KDM3B: variants seen among roughly 807,000 people sequenced by gnomAD.
KDM3B encodes the protein lysine-specific demethylase 3B.
A neutral mutation model predicts 170.0 loss-of-function variants in KDM3B; 10 were observed. The observed-to-expected ratio is 0.06, with a 90% confidence interval of 0.04 to 0.10. KDM3B has a LOEUF of 0.10. KDM3B is among the 10% of genes least tolerant of loss of function. The probability of loss-of-function intolerance (pLI) is 1.00; values close to 1 mark genes in which losing one functional copy is unlikely to be tolerated. For missense variants in KDM3B, 1,394 were observed against 2,195.2 expected (o/e 0.64, Z 7.29); for synonymous variants, 831 against 834.8 (o/e 1.00, Z 0.08).
intron 6 of KDM3B, among the ~76,000 whole-genome samples, chr5:138,382,686 G>T (rs1352434058): frequency 2.7e-5 from 4 of 148,280 alleles, no homozygotes; most frequent in Non-Finnish European, 3.0e-5. Flanking sequence ...TTTTTTTTTT[G>T]AGGCAGGGTC....
intron 11 of KDM3B, 122 bp downstream of exon 11, chr5:138,400,134 CA>C: frequency 1.1e-6 from 1 of 927,728 alleles, no homozygotes; most frequent in Non-Finnish European, 1.6e-6. Flanking sequence ...TGGCTTCATT[CA>C]ACTTTGTTGT....
At chr5:138,361,162 G>A (rs1761598949) in intron 1 of KDM3B, among the ~76,000 whole-genome samples, 2 of 152,138 alleles carry the variant, frequency 1.3e-5, no homozygotes, top group South Asian at 2.1e-4. Context: ...ATGCTTCTCA[G>A]TTTTCCACTG....
At chr5:138,430,787 G>A (rs1763511924) in intron 22 of KDM3B, among the ~76,000 whole-genome samples, 1 of 152,148 alleles carries the variant, frequency 6.6e-6, no homozygotes, top group Non-Finnish European at 1.5e-5. Flanking sequence ...CTACTCAGGA[G>A]GCTGAGGCAG....
In KDM3B at chr5:138,429,753, AT is replaced by A. The variant is rs775905704; in HGVS notation, c.4754-71del. On this transcript the variant is annotated intron_variant, in intron 20 of 23. Coordinates refer to ENST00000314358, the MANE Select transcript of KDM3B (RefSeq NM_016604.4). ...GAAGAGTAAAACTCAATTTATTTAAATTGGACATTTCATTTCACTCAGTGGT... is the reference window on the plus strand; with the variant it reads ...GAAGAGTAAAACTCAATTTATTTAAATGGACATTTCATTTCACTCAGTGGT... 96 of 1,515,558 alleles carry A rather than the reference AT, an allele frequency of 6.3e-5. 1 individual carries two copies. The East Asian group carries it at 2.2e-3, about 34-fold the overall frequency. The allele number at this position is 1,515,558 out of a possible 1,614,324, so 93.9% of individuals were successfully genotyped here. A position where few individuals can be genotyped will look rare whatever the true frequency, so the allele number is the denominator to read the frequency against.
intron 6 of KDM3B, among the ~76,000 whole-genome samples, chr5:138,383,484 T>C (rs1399598384): frequency 2.6e-5 from 4 of 152,186 alleles, no homozygotes; most frequent in African/African-American, 9.7e-5. Flanking sequence ...CCTTTTTTGG[T>C]ATTAACATGA....
intron 11 of KDM3B, among the ~76,000 whole-genome samples, chr5:138,411,318 T>C (rs531272885): frequency 1.3e-5 from 2 of 152,234 alleles, no homozygotes; most frequent in Non-Finnish European, 2.9e-5. Flanking sequence ...TTTCCTAGGT[T>C]ATGATTATAG....
intron 23 of KDM3B, among the ~76,000 whole-genome samples, chr5:138,435,126 A>G (rs1342581087): frequency 6.6e-6 from 1 of 152,206 alleles, no homozygotes; most frequent in Admixed American, 6.5e-5. Flanking sequence ...ATCAGAAAAC[A>G]TATAAGCACG....
chr5:138,398,478 G>A (rs1284333028), intron 10 of KDM3B, 86 bp downstream of exon 10: 6 of 1,141,576 alleles, frequency 5.3e-6, no homozygotes, highest in East Asian at 2.4e-5. Context: ...TGGGGACAGT[G>A]GCAGATGGCA....
chr5:138,372,692 G>A lies in KDM3B; in HGVS notation c.211G>A (p.Gly71Ser), dbSNP rs1243047851. ...QDLAIFVEFDGCNWKQHSWVK... is the reference protein window; with the variant it reads ...QDLAIFVEFDSCNWKQHSWVK... ...CTTGCAGATCTTTGTAGAATTTGAT[G>A]GCTGTAACTGGAAGCAACACTCCTG... The change falls in exon 2 of 24, where the codon GGC (glycine) becomes AGC (serine). Residue 71 changes from glycine to serine, a missense_variant. This residue lies in a region of KDM3B where 16 missense variants were observed against 48.6 expected (regional missense o/e 0.33). Coordinates refer to ENST00000314358, the MANE Select transcript of KDM3B (RefSeq NM_016604.4). 2 of 1,613,070 alleles carry A rather than the reference G, an allele frequency of 1.2e-6. No homozygotes were observed. The highest frequency in any genetic ancestry group is 2.2e-5 in the South Asian group (2 of 90,878).
Position 138,430,438 on chromosome 5 carries a change from T to C in KDM3B, c.5070+13T>C. The C allele has an allele frequency of 1.2e-6, 2 of 1,612,136 alleles. No homozygotes were observed. Among genetic ancestry groups the C allele is most frequent in the Non-Finnish European group, 1.7e-6 (2 of 1,178,358 alleles). On this transcript the variant is annotated intron_variant, in intron 22 of 23. Transcript: ENST00000314358. The stretch of plus-strand genomic sequence containing the variant: ...AGCCCCACACCAGGTGGGTTCCTGC[T>C]TGGGGGTTGGGCTGAACAGTTCCAT...
intron 7 of KDM3B, among the ~76,000 whole-genome samples, chr5:138,388,376 TA>T (rs1316593284): frequency 6.6e-6 from 1 of 152,020 alleles, no homozygotes; most frequent in Non-Finnish European, 1.5e-5. Flanking sequence ...CTCATGCCTG[TA>T]ATCCTAGCAC....
chr5:138,431,345 T>C, intron 22 of KDM3B, 80 bp from the exon 23 acceptor site: 1 of 1,218,206 alleles, frequency 8.2e-7, no homozygotes, highest in Non-Finnish European at 1.1e-6. Flanking sequence ...AGGGTTTTTT[T>C]AACTATATCA....
At chr5:138,379,114 T>C (rs1015373447) in intron 4 of KDM3B, among the ~76,000 whole-genome samples, 1 of 152,208 alleles carries the variant, frequency 6.6e-6, no homozygotes, top group African/African-American at 2.4e-5. Context: ...CCCACTGTTA[T>C]TGAAAGTCAG....
At chr5:138,397,334 CAAA>C (rs922951537) in intron 9 of KDM3B, among the ~76,000 whole-genome samples, 3 of 148,226 alleles carry the variant, frequency 2.0e-5, no homozygotes, top group Non-Finnish European at 4.5e-5. Flanking sequence ...GACTCTGTCT[CAAA>C]AAAAAACTAA....
chr5:138,360,884 G>A (rs1038570050), intron 1 of KDM3B, among the ~76,000 whole-genome samples: 1 of 152,114 alleles, frequency 6.6e-6, no homozygotes, highest in East Asian at 1.9e-4. Context: ...GAGCCACCAC[G>A]CCCGGCCATT....
At chr5:138,363,731 A>G (rs917531966) in intron 1 of KDM3B, among the ~76,000 whole-genome samples, 5 of 151,982 alleles carry the variant, frequency 3.3e-5, no homozygotes, top group African/African-American at 9.7e-5. Context: ...TATTTTTAGT[A>G]GAGACGGGGT....
chr5:138,388,504 C>T (rs1157260181), intron 7 of KDM3B, among the ~76,000 whole-genome samples: 1 of 151,908 alleles, frequency 6.6e-6, no homozygotes, highest in South Asian at 2.1e-4. Context: ...TGGTGGCAAG[C>T]GCCTGTAGTC....
chr5:138,353,516 C>T (rs1761383192), intron 1 of KDM3B, among the ~76,000 whole-genome samples: 1 of 152,188 alleles, frequency 6.6e-6, no homozygotes, highest in Non-Finnish European at 1.5e-5. Flanking sequence ...GTTACTTCCT[C>T]ATCTGAGCTG....
At chr5:138,376,594 C>T (rs1013410000) in intron 3 of KDM3B, among the ~76,000 whole-genome samples, 1 of 151,770 alleles carries the variant, frequency 6.6e-6, no homozygotes, top group African/African-American at 2.4e-5. Context: ...GTCCCAGCTA[C>T]TCGGGAGGCT....
Sources: gnomAD v4.1 joint callset for allele counts (sites outside exome capture counted in the v4.1 genomes callset) on GRCh38, gnomAD v4.1.1 for gene constraint, gnomAD v4.1.1 regional missense constraint, MANE v1.5 for transcripts, NCBI Gene and HGNC (gene_info 2026-07-23, HGNC 2026-07-21) for gene names.